The following FAF1 variants were observed in gnomAD, a reference collection of about 807,000 sequenced individuals.
The protein encoded by FAF1 is FAS-associated factor 1.
FAF1 carries 25 observed loss-of-function variants against 92.5 expected under a neutral mutation model. The ratio of observed to expected loss-of-function variants is 0.27; its 90% CI spans 0.20 to 0.38. The LOEUF is 0.38. Ranked by LOEUF, FAF1 falls within the 10% of genes least tolerant of loss-of-function variation. FAF1 has a pLI of 1.00. For synonymous variants in FAF1, 234 were observed against 273.2 expected, an observed-to-expected ratio of 0.86 and a Z score of 1.42; for missense variants, 636 against 793.3, an observed-to-expected ratio of 0.80 and a Z score of 2.38.
intron 17 of FAF1, among the ~76,000 whole-genome samples, chr1:50,480,546 A>G (rs2149002024): frequency 6.6e-6 from 1 of 152,366 alleles, no homozygotes; most frequent in South Asian, 2.1e-4. Flanking sequence ...GCAAAATAGC[A>G]GTGAACAAAA....
chr1:50,562,368 AT>A (rs1412580895), intron 13 of FAF1, among the ~76,000 whole-genome samples: 1 of 152,180 alleles, frequency 6.6e-6, no homozygotes, highest in Non-Finnish European at 1.5e-5. Flanking sequence ...AGAGGATTAT[AT>A]TAGCTAGCCA....
In FAF1 at chr1:50,746,278, ATATATATATATATATTTTTTTTTT is replaced by A. The variant is rs1311228209; in HGVS notation, c.368-1527_368-1504del. The stretch of plus-strand genomic sequence containing the variant: ...TATATATATATATATATATATATAT[ATATATATATATATATTTTTTTTTT>A]TTTTTTTTTTTTTTTTTTGAGACAG... On this transcript the variant is annotated intron_variant, in intron 4 of 18. Transcript: ENST00000396153. Among the ~76,000 whole-genome samples, 179 of 20,154 alleles carry A rather than the reference ATATATATATATATATTTTTTTTTT, an allele frequency of 8.9e-3. 1 individual carries two copies. The highest frequency in any genetic ancestry group is 0.012 in the Non-Finnish European group (146 of 12,562). The allele number at this position is 20,154 out of a possible 152,430, so 13.2% of individuals were successfully genotyped here.
intron 3 of FAF1, among the ~76,000 whole-genome samples, chr1:50,793,501 C>A (rs1386770432): frequency 6.6e-6 from 1 of 152,106 alleles, no homozygotes; most frequent in African/African-American, 2.4e-5. Context: ...TTTCCCTAGG[C>A]CCTGGAGGTA....
intron 6 of FAF1, among the ~76,000 whole-genome samples, chr1:50,722,476 G>T (rs1658450320): frequency 6.6e-6 from 1 of 151,984 alleles, no homozygotes; most frequent in Non-Finnish European, 1.5e-5. Flanking sequence ...GTGAAACTCG[G>T]TCTCTACTAA....
At chr1:50,897,681 A>T (rs192419197) in intron 1 of FAF1, among the ~76,000 whole-genome samples, 3 of 152,314 alleles carry the variant, frequency 2.0e-5, no homozygotes, top group African/African-American at 7.2e-5. Flanking sequence ...TGTGGTATTG[A>T]ACCCAATTCT....
At chr1:50,897,475 G>A (rs906452149) in intron 1 of FAF1, among the ~76,000 whole-genome samples, 1 of 152,114 alleles carries the variant, frequency 6.6e-6, no homozygotes, top group Admixed American at 6.5e-5. Context: ...TCTTTTCAGA[G>A]GTATTATAAA....
chr1:50,694,447 TCTTA>T (rs141312853), intron 7 of FAF1, among the ~76,000 whole-genome samples: 140 of 151,938 alleles, frequency 9.2e-4, no homozygotes, highest in African/African-American at 3.3e-3. Flanking sequence ...AAATCAGGAA[TCTTA>T]CTAATTATCT....
chr1:50,493,454 G>A (rs1646863360), intron 15 of FAF1, among the ~76,000 whole-genome samples: 1 of 152,066 alleles, frequency 6.6e-6, no homozygotes, highest in South Asian at 2.1e-4. Flanking sequence ...ATTTTAAATG[G>A]GGGAAATGCA....
At chr1:50,508,350 G>A (rs1041427626) in intron 15 of FAF1, among the ~76,000 whole-genome samples, 2 of 152,148 alleles carry the variant, frequency 1.3e-5, no homozygotes, top group Non-Finnish European at 2.9e-5. Context: ...TCCAGCTACA[G>A]ATGAATACAT....
intron 6 of FAF1, among the ~76,000 whole-genome samples, chr1:50,715,282 C>T (rs1341657371): frequency 6.6e-6 from 1 of 152,124 alleles, no homozygotes; most frequent in Non-Finnish European, 1.5e-5. Context: ...TTTTTCTATA[C>T]TGTTTCTTAA....
At chr1:50,603,952 C>T (rs1652263460) in intron 8 of FAF1, among the ~76,000 whole-genome samples, 1 of 152,134 alleles carries the variant, frequency 6.6e-6, no homozygotes, top group Middle Eastern at 3.2e-3. Flanking sequence ...GGCCTTGCTG[C>T]GTTATAGTCC....
At chr1:50,705,647 C>G (rs1209557549) in intron 7 of FAF1, 139 bp downstream of exon 7, 1 of 539,638 alleles carries the variant, frequency 1.9e-6, no homozygotes, top group Non-Finnish European at 3.3e-6. Flanking sequence ...ATCATTGATG[C>G]TCCAGTTAAT....
intron 8 of FAF1, among the ~76,000 whole-genome samples, chr1:50,652,084 G>T (rs958223735): frequency 3.3e-5 from 5 of 152,174 alleles, no homozygotes; most frequent in African/African-American, 4.8e-5. Flanking sequence ...CTGGGGAGGT[G>T]TGGGCAGGCA....
At chr1:50,824,565 C>A (rs998149587) in intron 2 of FAF1, among the ~76,000 whole-genome samples, 4 of 152,054 alleles carry the variant, frequency 2.6e-5, no homozygotes, top group African/African-American at 9.7e-5. Context: ...AGAGGTTCCT[C>A]AAAAAACTAA....
chr1:50,567,025 G>A (rs945756374), intron 13 of FAF1, 52 bp downstream of exon 13: 11 of 1,333,778 alleles, frequency 8.2e-6, no homozygotes, highest in Admixed American at 4.7e-5. Flanking sequence ...TAAACACAAT[G>A]ATTTTTTTTT....
chr1:50,539,815 AGTTAT>A, intron 13 of FAF1, 87 bp from the exon 14 acceptor site: 1 of 950,876 alleles, frequency 1.1e-6, no homozygotes, highest in Non-Finnish European at 1.6e-6. Context: ...TTGTGTTATT[AGTTAT>A]GTTAAATTAG....
At chr1:50,851,242 G>A (rs1047755203) in intron 2 of FAF1, among the ~76,000 whole-genome samples, 1 of 151,964 alleles carries the variant, frequency 6.6e-6, no homozygotes, top group African/African-American at 2.4e-5. Context: ...CACCAAGCGG[G>A]GCTAATTTTT....
chr1:50,858,624 G>A (rs1644409219), intron 1 of FAF1, among the ~76,000 whole-genome samples: 2 of 151,654 alleles, frequency 1.3e-5, no homozygotes, highest in Non-Finnish European at 2.9e-5. Flanking sequence ...ATGTTGAAAT[G>A]GAAATTTTTG....
intron 18 of FAF1, among the ~76,000 whole-genome samples, chr1:50,453,833 A>G (rs1646322323): frequency 6.6e-6 from 1 of 152,170 alleles, no homozygotes; most frequent in Non-Finnish European, 1.5e-5. Flanking sequence ...ATTCCCTATC[A>G]GTTTAGTTGC....
Sources: allele counts gnomAD v4.1 joint callset (sites outside exome capture counted in the v4.1 genomes callset), GRCh38; gene constraint gnomAD v4.1.1; transcripts MANE v1.5; gene names NCBI Gene and HGNC (gene_info 2026-07-23, HGNC 2026-07-21).